The following RABGAP1L variants were observed in gnomAD, a reference collection of about 807,000 sequenced individuals.
RABGAP1L encodes the protein RAB GTPase activating protein 1 like.
RABGAP1L carries 63 observed loss-of-function variants against 137.7 expected under a neutral mutation model. The ratio of observed to expected loss-of-function variants is 0.46; its 90% CI spans 0.37 to 0.56. The LOEUF (loss-of-function observed/expected upper bound fraction) is 0.56, where lower values mean the gene tolerates loss of function less well. Ranked by LOEUF, RABGAP1L falls within the 20% of genes least tolerant of loss-of-function variation. The probability of loss-of-function intolerance (pLI) is 0.00; values close to 1 mark genes in which losing one functional copy is unlikely to be tolerated. For synonymous variants in RABGAP1L, 431 were observed against 433.7 expected, an observed-to-expected ratio of 0.99 and a Z score of 0.08; for missense variants, 1,095 against 1,244.0, an observed-to-expected ratio of 0.88 and a Z score of 1.80.
chr1:174,586,587 A>ATATG (rs749759543), intron 13 of RABGAP1L, among the ~76,000 whole-genome samples: 12 of 152,020 alleles, frequency 7.9e-5, no homozygotes, highest in South Asian at 2.1e-4. Flanking sequence ...CCGTATGTAT[A>ATATG]TATGTATGTA....
At chr1:174,543,719 G>T (rs919242186) in intron 13 of RABGAP1L, among the ~76,000 whole-genome samples, 1 of 152,150 alleles carries the variant, frequency 6.6e-6, no homozygotes, top group South Asian at 2.1e-4. Context: ...GCATGTTTTT[G>T]CAGTGGCTGG....
intron 13 of RABGAP1L, among the ~76,000 whole-genome samples, chr1:174,436,291 T>G (rs1653289033): frequency 6.6e-6 from 1 of 152,226 alleles, no homozygotes; most frequent in Non-Finnish European, 1.5e-5. Flanking sequence ...AAGTGTCCTG[T>G]TTCTCCACAT....
intron 19 of RABGAP1L, among the ~76,000 whole-genome samples, chr1:174,934,452 T>A (rs1236563910): frequency 6.6e-6 from 1 of 152,096 alleles, no homozygotes; most frequent in African/African-American, 2.4e-5. Flanking sequence ...GTTAATGAAC[T>A]GTTACTCTCC....
intron 13 of RABGAP1L, among the ~76,000 whole-genome samples, chr1:174,617,788 G>C (rs147059590): frequency 6.6e-6 from 1 of 152,178 alleles, no homozygotes; most frequent in South Asian, 2.1e-4. Flanking sequence ...ATCTCCCAGC[G>C]TGAGCGACGC....
rs569547290 is a variant in RABGAP1L at position 174,341,617 on chromosome 1, C to T, written c.1466-29362C>T. Among the ~76,000 whole-genome samples, 3 of 152,210 alleles carry T rather than the reference C, an allele frequency of 2.0e-5. No homozygotes were observed. In the East Asian group the frequency reaches 5.8e-4, roughly 29 times the overall value. On this transcript the variant is annotated intron_variant, in intron 11 of 25. Transcript: ENST00000681986. The stretch of plus-strand genomic sequence containing the variant: ...AGTTTGAACTGAAATGGAACTTTTC[C>T]TGTCCATTAAAATCCTTTTTTCTAC...
intron 13 of RABGAP1L, among the ~76,000 whole-genome samples, chr1:174,612,655 G>C (rs1264468505): frequency 2.0e-5 from 3 of 152,116 alleles, no homozygotes; most frequent in Non-Finnish European, 2.9e-5. Flanking sequence ...TTGTACCTCT[G>C]GTAGAATTCG....
rs756480765 is a variant in RABGAP1L, at chr1:174,241,578, A to G, written c.638A>G (p.Asn213Ser). 25 of 1,613,756 alleles carry G rather than the reference A, an allele frequency of 1.5e-5. No homozygotes were observed. In the South Asian group the frequency reaches 2.6e-4, roughly 17 times the overall value. ...GGACATGACGGAACAACAGAGAGCA[A>G]TTGCTTTGCATTTACAGAGAGTTCC... ...ARGHDGTTES[N>S]CFAFTESSHG... is the part of the protein sequence containing the mutation. Residue 213 changes from asparagine to serine, a missense_variant, in exon 5 of 26, where the codon AAT becomes AGT. Transcript: ENST00000681986.
intron 19 of RABGAP1L, among the ~76,000 whole-genome samples, chr1:174,862,720 C>T (rs898897163): frequency 1.3e-5 from 2 of 151,734 alleles, no homozygotes; most frequent in Admixed American, 1.3e-4. Context: ...CACTTTAGCC[C>T]TACGGAAGAG....
chr1:174,550,909 TACACAC>T lies in RABGAP1L; in HGVS notation c.1711-86458_1711-86453del, dbSNP rs1159259220. Among the ~76,000 whole-genome samples, 298 of 46,254 alleles carry T rather than the reference TACACAC, an allele frequency of 6.4e-3. 28 individuals are homozygous for T. The highest frequency in any genetic ancestry group is 0.038 in the African/African-American group (248 of 6,534). 30.3% of individuals were successfully genotyped at this position (46,254 alleles called of 152,430 possible). On this transcript the variant is annotated intron_variant, in intron 13 of 25. Transcript: ENST00000681986. ...ATATATATATATACACACACACATA[TACACAC>T]ACACACATATATATATACACATATA... is the stretch of plus-strand genomic sequence containing the variant.
chr1:174,249,564 A>G (rs762548126), intron 5 of RABGAP1L, among the ~76,000 whole-genome samples: 9 of 151,778 alleles, frequency 5.9e-5, no homozygotes, highest in Non-Finnish European at 1.0e-4. Context: ...CCATGTTTAA[A>G]TGTCAGAGTT....
intron 19 of RABGAP1L, among the ~76,000 whole-genome samples, chr1:174,909,315 C>G (rs1264350543): frequency 6.6e-6 from 1 of 152,128 alleles, no homozygotes; most frequent in Non-Finnish European, 1.5e-5. Context: ...GCTCTACCTC[C>G]CAGGCTCAAG....
At position 174,231,110 on chromosome 1, in the gene RABGAP1L, A is replaced by G. The variant is rs139748364; in HGVS notation, c.332-35A>G. ...ATTATAATGATGGTGGAGTTTTGCA[A>G]TGACTTTTGAGTGTTTCTTTTTTTG... is the stretch of plus-strand genomic sequence containing the variant. On this transcript the variant is annotated intron_variant, in intron 3 of 25. Coordinates refer to ENST00000681986, the MANE Select transcript of RABGAP1L (RefSeq NM_001366446.1). The G allele has an allele frequency of 3.0e-4, 444 of 1,492,312 alleles. 1 individual carries two copies. Among genetic ancestry groups the G allele is most frequent in the Middle Eastern group, 2.9e-3 (17 of 5,770 alleles). 92.4% of individuals were successfully genotyped at this position (1,492,312 alleles called of 1,614,324 possible).
At chr1:174,542,790 T>G (rs540550239) in intron 13 of RABGAP1L, among the ~76,000 whole-genome samples, 15 of 152,338 alleles carry the variant, frequency 9.8e-5, no homozygotes, top group East Asian at 5.8e-4. Context: ...TCTGGTATGT[T>G]GTGTCTTTGT....
intron 19 of RABGAP1L, among the ~76,000 whole-genome samples, chr1:174,859,365 C>A (rs1649849491): frequency 6.6e-6 from 1 of 151,932 alleles, no homozygotes; most frequent in Non-Finnish European, 1.5e-5. Context: ...TGCCTGTAGT[C>A]CCAGCTACTC....
chr1:174,952,400 A>C (rs1015943783), intron 19 of RABGAP1L, among the ~76,000 whole-genome samples: 22 of 147,104 alleles, frequency 1.5e-4, no homozygotes, highest in African/African-American at 5.5e-4. Flanking sequence ...AGTCCCAGCT[A>C]CTCAGGAAGC....
chr1:174,656,014 A>C (rs558441771), intron 14 of RABGAP1L, among the ~76,000 whole-genome samples: 6 of 152,192 alleles, frequency 3.9e-5, no homozygotes, highest in Non-Finnish European at 8.8e-5. Context: ...ATTGTTATAG[A>C]GTTGTCATTG....
chr1:174,587,209 A>T (rs1669181791), intron 13 of RABGAP1L, among the ~76,000 whole-genome samples: 1 of 141,732 alleles, frequency 7.1e-6, no homozygotes. Flanking sequence ...CAATAAACAT[A>T]TGTGTGCATG....
At chr1:174,910,457 A>G (rs764096779) in intron 19 of RABGAP1L, among the ~76,000 whole-genome samples, 1 of 152,212 alleles carries the variant, frequency 6.6e-6, no homozygotes, top group Non-Finnish European at 1.5e-5. Context: ...GTAACATTGT[A>G]CTGACTGGGA....
intron 13 of RABGAP1L, among the ~76,000 whole-genome samples, chr1:174,410,950 T>G (rs1298174690): frequency 6.6e-6 from 1 of 152,176 alleles, no homozygotes; most frequent in East Asian, 1.9e-4. Flanking sequence ...TGTAGAAATC[T>G]TTTACCTCCT....
Sources: gnomAD v4.1 joint callset for allele counts (sites outside exome capture counted in the v4.1 genomes callset) on GRCh38, gnomAD v4.1.1 for gene constraint, MANE v1.5 for transcripts, NCBI Gene and HGNC (gene_info 2026-07-23, HGNC 2026-07-21) for gene names.